Variants in BMPR1B observed in about 807,000 individuals in gnomAD.
BMPR1B encodes the protein bone morphogenetic protein receptor type 1B.
BMPR1B carries 12 observed loss-of-function variants against 59.1 expected under a neutral mutation model. The observed-to-expected ratio is 0.20, with a 90% CI of 0.13 to 0.33. BMPR1B has a LOEUF of 0.33. Ranked by LOEUF, BMPR1B falls within the 10% of genes least tolerant of loss-of-function variation. BMPR1B has a pLI of 1.00. For missense variants in BMPR1B, 550 were observed against 610.9 expected (o/e 0.90, Z 1.05); for synonymous variants, 237 against 207.3 (o/e 1.14, Z -1.23).
chr4:94,970,639 T>A (rs1183683604), intron 2 of BMPR1B, among the ~76,000 whole-genome samples: 4 of 152,150 alleles, frequency 2.6e-5, no homozygotes, highest in Non-Finnish European at 5.9e-5. Context: ...AAAGTTTTTT[T>A]TATTTTTAAT....
chr4:95,002,040 A>G (rs2149110366), intron 3 of BMPR1B, among the ~76,000 whole-genome samples: 1 of 152,262 alleles, frequency 6.6e-6, no homozygotes, highest in African/African-American at 2.4e-5. Context: ...ACATAGGTAT[A>G]TTGCATGATG....
chr4:94,865,272 A>C (rs377444511), intron 1 of BMPR1B, among the ~76,000 whole-genome samples: 4 of 152,226 alleles, frequency 2.6e-5, no homozygotes, highest in African/African-American at 9.6e-5. Flanking sequence ...CTCCCAAATA[A>C]TCTTCAAGTT....
chr4:94,784,869 T>G (rs188561746), intron 1 of BMPR1B, among the ~76,000 whole-genome samples: 2 of 152,296 alleles, frequency 1.3e-5, no homozygotes. Context: ...CATCTTAGCC[T>G]CCTCTTTGGT....
chr4:95,142,858 G>A (rs1734348793), intron 10 of BMPR1B, among the ~76,000 whole-genome samples: 1 of 150,912 alleles, frequency 6.6e-6, no homozygotes, highest in Admixed American at 6.6e-5. Flanking sequence ...GAATTTCTGG[G>A]TTTAGGTTTA....
rs1198778481 is a variant in BMPR1B, at chr4:95,043,553, A to C, written c.-18+47419A>C. Among the ~76,000 whole-genome samples the C allele has an allele frequency of 2.6e-5, 4 of 152,324 alleles. No individual in the cohort carries two copies. In the East Asian group the frequency reaches 7.7e-4, roughly 29 times the overall value. On this transcript the variant is annotated intron_variant, in intron 3 of 12. Coordinates refer to ENST00000515059, the MANE Select transcript of BMPR1B (RefSeq NM_001203.3). ...GGCCATGCATATAATTATTATATTC[A>C]TAACATGACATTAGCTTTTAAAAAG...
chr4:94,891,402 C>T (rs950616886), intron 2 of BMPR1B, among the ~76,000 whole-genome samples: 5 of 152,002 alleles, frequency 3.3e-5, no homozygotes, highest in Admixed American at 2.0e-4. Flanking sequence ...AAGTTTTATT[C>T]GTATCTTCTA....
intron 2 of BMPR1B, among the ~76,000 whole-genome samples, chr4:94,934,166 G>A (rs919560457): frequency 2.0e-5 from 3 of 152,134 alleles, no homozygotes; most frequent in African/African-American, 7.2e-5. Flanking sequence ...TTAGTCAAGT[G>A]TTCAATCTTC....
intron 1 of BMPR1B, among the ~76,000 whole-genome samples, chr4:94,808,825 G>A (rs1723707800): frequency 6.6e-6 from 1 of 152,190 alleles, no homozygotes; most frequent in African/African-American, 2.4e-5. Flanking sequence ...GGGAGGCCAA[G>A]GCGGGCGGAT....
intron 1 of BMPR1B, among the ~76,000 whole-genome samples, chr4:94,832,610 C>T (rs1724644570): frequency 6.6e-6 from 1 of 151,748 alleles, no homozygotes; most frequent in Non-Finnish European, 1.5e-5. Flanking sequence ...TGGTAAAACA[C>T]CGTCTCTACT....
intron 3 of BMPR1B, among the ~76,000 whole-genome samples, chr4:95,058,871 A>G (rs1322996177): frequency 1.3e-5 from 2 of 152,092 alleles, no homozygotes; most frequent in Non-Finnish European, 1.5e-5. Context: ...GCAGTTGTGT[A>G]TAATTTTAAT....
chr4:94,946,404 G>C (rs1388244910), intron 2 of BMPR1B, among the ~76,000 whole-genome samples: 1 of 152,148 alleles, frequency 6.6e-6, no homozygotes, highest in Non-Finnish European at 1.5e-5. Flanking sequence ...AGTTTTACCA[G>C]TTTTTATATA....
chr4:95,078,859 G>T (rs911165627), intron 3 of BMPR1B, among the ~76,000 whole-genome samples: 3 of 152,114 alleles, frequency 2.0e-5, no homozygotes, highest in African/African-American at 7.2e-5. Flanking sequence ...CTGGGCTCCA[G>T]CCATCTTTCC....
At position 94,902,046 on chromosome 4, in the gene BMPR1B, G is replaced by GGTGT. The variant is rs34068392; in HGVS notation, c.-113+26184_-113+26187dup. Among the ~76,000 whole-genome samples, 1,117 of 119,238 alleles carry GGTGT rather than the reference G, an allele frequency of 9.4e-3. 7 individuals are homozygous for GGTGT. The highest frequency in any genetic ancestry group is 0.016 in the African/African-American group (408 of 25,250). The allele number at this position is 119,238 out of a possible 152,430, so 78.2% of individuals were successfully genotyped here. Reference sequence around the variant, plus strand: ...GTTAAGAGGGCTCTGCAGACTGCATGGTGTGTGTGTGTGTGTGTGTGTGTG... The same window carrying GGTGT: ...GTTAAGAGGGCTCTGCAGACTGCATGGTGTGTGTGTGTGTGTGTGTGTGTGTGTG... On this transcript the variant is annotated intron_variant, in intron 2 of 12. Transcript: ENST00000515059.
At chr4:94,761,555 A>G (rs1192720794) in intron 1 of BMPR1B, among the ~76,000 whole-genome samples, 6 of 151,992 alleles carry the variant, frequency 3.9e-5, no homozygotes, top group Non-Finnish European at 8.8e-5. Context: ...TAACTCCCAG[A>G]ACAACTGCAA....
chr4:94,835,916 C>A (rs1462750889), intron 1 of BMPR1B, among the ~76,000 whole-genome samples: 1 of 117,720 alleles, frequency 8.5e-6, no homozygotes, highest in Non-Finnish European at 1.7e-5. Flanking sequence ...CCCCTCCCCC[C>A]ACCCCACAAC....
intron 10 of BMPR1B, among the ~76,000 whole-genome samples, chr4:95,134,415 T>C (rs905890313): frequency 6.6e-6 from 1 of 152,246 alleles, no homozygotes; most frequent in Non-Finnish European, 1.5e-5. Context: ...AATGTATTTC[T>C]AGTTCTAGAT....
rs186271253 is a variant in BMPR1B at position 94,902,609 on chromosome 4, T to C, written c.-113+26709T>C. 1.9e-4 allele frequency among the ~76,000 whole-genome samples: 29 copies of C among 151,988 alleles called. No homozygotes were observed. In the East Asian group the frequency reaches 5.4e-3, roughly 28 times the overall value. On this transcript the variant is annotated intron_variant, in intron 2 of 12. Transcript: ENST00000515059. Reference sequence around the variant, plus strand: ...AAATATTTCTGAATTTTTCTGTTTTTTTCTGAAGTATTAAACAGCTTAAGA... The same window carrying C: ...AAATATTTCTGAATTTTTCTGTTTTCTTCTGAAGTATTAAACAGCTTAAGA...
At chr4:95,031,457 AT>A (rs1000054128) in intron 3 of BMPR1B, among the ~76,000 whole-genome samples, 3 of 151,894 alleles carry the variant, frequency 2.0e-5, no homozygotes, top group East Asian at 3.9e-4. Context: ...TTGCAGATAT[AT>A]TTTTTTTGAG....
intron 2 of BMPR1B, among the ~76,000 whole-genome samples, chr4:94,991,759 C>T (rs1337732273): frequency 6.6e-6 from 1 of 152,118 alleles, no homozygotes; most frequent in Non-Finnish European, 1.5e-5. Flanking sequence ...TTAGCTTTTA[C>T]TCTGAGTAAA....
Sources: gnomAD v4.1 joint callset for allele counts (sites outside exome capture counted in the v4.1 genomes callset) on GRCh38, gnomAD v4.1.1 for gene constraint, MANE v1.5 for transcripts, NCBI Gene and HGNC (gene_info 2026-07-23, HGNC 2026-07-21) for gene names.